Variants in NRXN3 observed in about 807,000 individuals in gnomAD.
The protein encoded by NRXN3 is neurexin III.
A neutral mutation model predicts 137.6 loss-of-function variants in NRXN3; 32 were observed. The observed-to-expected ratio is 0.23, with a 90% CI of 0.18 to 0.31. NRXN3 has a LOEUF of 0.31. Among genes scored for constraint, NRXN3 ranks in the 10% least tolerant of loss-of-function variants. NRXN3 has a pLI of 1.00. For missense variants in NRXN3, 1,574 were observed against 2,062.5 expected (o/e 0.76, Z 4.59); for synonymous variants, 798 against 784.5 (o/e 1.02, Z -0.29).
At chr14:78,609,979 C>T (rs938065715) in intron 4 of NRXN3, among the ~76,000 whole-genome samples, 2 of 151,106 alleles carry the variant, frequency 1.3e-5, no homozygotes, top group Non-Finnish European at 2.9e-5. Context: ...CTGTCTTTAC[C>T]TTCTACTATG....
At chr14:79,853,627 C>T (rs555493836) in intron 20 of NRXN3, 1 of 1,349,768 alleles carries the variant, frequency 7.4e-7, no homozygotes, top group South Asian at 1.1e-5. Flanking sequence ...TCATCTTCAT[C>T]TCCTGTGTAG....
intron 15 of NRXN3, among the ~76,000 whole-genome samples, chr14:79,264,750 A>G (rs907626698): frequency 6.6e-6 from 1 of 152,172 alleles, no homozygotes; most frequent in African/African-American, 2.4e-5. Flanking sequence ...CCAAACTGAT[A>G]AACACATTGC....
intron 8 of NRXN3, among the ~76,000 whole-genome samples, chr14:78,743,727 A>G (rs2098593630): frequency 6.6e-6 from 1 of 152,228 alleles, no homozygotes; most frequent in Non-Finnish European, 1.5e-5. Context: ...AAAAGCAAGA[A>G]CGAGGTTGTA....
At chr14:78,798,603 C>T (rs1342197017) in intron 8 of NRXN3, among the ~76,000 whole-genome samples, 1 of 152,212 alleles carries the variant, frequency 6.6e-6, no homozygotes, top group Non-Finnish European at 1.5e-5. Flanking sequence ...TAGGCAGTGC[C>T]CCAGTGGGGA....
chr14:79,002,048 C>T (rs2099542435), intron 15 of NRXN3, among the ~76,000 whole-genome samples: 1 of 152,126 alleles, frequency 6.6e-6, no homozygotes, highest in Non-Finnish European at 1.5e-5. Flanking sequence ...AATCAACTTT[C>T]CTACTTTGTG....
At chr14:78,282,226 A>G (rs2074506920) in intron 3 of NRXN3, 3 of 461,926 alleles carry the variant, frequency 6.5e-6, no homozygotes, top group Non-Finnish European at 1.3e-5. Context: ...AGAGGTGGGC[A>G]TCTCTGCCCT....
intron 1 of NRXN3, among the ~76,000 whole-genome samples, chr14:78,193,027 G>A (rs561300219): frequency 7.2e-5 from 11 of 152,236 alleles, no homozygotes; most frequent in Admixed American, 2.6e-4. Context: ...ACCCCAGAAG[G>A]CAAAGAGGTC....
intron 15 of NRXN3, among the ~76,000 whole-genome samples, chr14:79,460,424 G>A (rs191227104): frequency 2.1e-3 from 323 of 152,224 alleles, no homozygotes; most frequent in Non-Finnish European, 3.7e-3. Context: ...TGAATGGGTA[G>A]AATGTTATTT....
At chr14:78,917,385 T>C (rs35199347) in intron 10 of NRXN3, among the ~76,000 whole-genome samples, 31,950 of 152,066 alleles carry the variant, frequency 0.21, 3,532 homozygotes, top group East Asian at 0.39. Context: ...GGTGATTAAC[T>C]GATCTGTGCA....
chr14:79,502,784 G>T (rs1205917179), intron 16 of NRXN3, among the ~76,000 whole-genome samples: 2 of 151,792 alleles, frequency 1.3e-5, no homozygotes, highest in Non-Finnish European at 2.9e-5. Context: ...GACCTTTTCT[G>T]CACACTGCTA....
chr14:79,649,195 G>A (rs968946658), intron 16 of NRXN3, among the ~76,000 whole-genome samples: 3 of 152,028 alleles, frequency 2.0e-5, no homozygotes, highest in Non-Finnish European at 2.9e-5. Flanking sequence ...TCACCAGTTA[G>A]CAACAGTAAG....
chr14:78,477,529 A>C (rs748693396), intron 4 of NRXN3, among the ~76,000 whole-genome samples: 1 of 152,218 alleles, frequency 6.6e-6, no homozygotes, highest in Non-Finnish European at 1.5e-5. Flanking sequence ...GACTTCTCAA[A>C]ATACAATATT....
At chr14:79,218,843 G>A (rs2068997930) in intron 15 of NRXN3, among the ~76,000 whole-genome samples, 1 of 152,094 alleles carries the variant, frequency 6.6e-6, no homozygotes. Flanking sequence ...GAGGAGTTGG[G>A]ATTTATTATA....
chr14:78,858,112 C>T (rs573101434), intron 10 of NRXN3, among the ~76,000 whole-genome samples: 1 of 152,252 alleles, frequency 6.6e-6, no homozygotes, highest in South Asian at 2.1e-4. Flanking sequence ...AGAGAGTTTA[C>T]ACCATGTGTT....
intron 5 of NRXN3, chr14:78,649,421 T>C (rs1198505930): frequency 3.7e-6 from 1 of 270,254 alleles, no homozygotes; most frequent in Non-Finnish European, 6.9e-6. Flanking sequence ...TCTTTTAAGA[T>C]TTTGTTACAT....
In NRXN3 at chr14:79,284,588, C is replaced by G. The variant is rs147002249; in HGVS notation, c.3263-182633C>G. 3.8e-3 allele frequency among the ~76,000 whole-genome samples: 579 copies of G among 151,778 alleles called. 4 individuals are homozygous for G. The highest frequency in any genetic ancestry group is 0.013 in the African/African-American group (528 of 41,380). ...AGCTCAGTTTTAAAAGGGAACACAC[C>G]ACGCTATATTTGCAGGAAGAACTCT... On this transcript the variant is annotated intron_variant, in intron 15 of 20. Transcript: ENST00000335750.
intron 2 of NRXN3, among the ~76,000 whole-genome samples, chr14:78,275,116 C>T (rs77105380): frequency 0.073 from 11,162 of 152,266 alleles, 533 homozygotes; most frequent in Middle Eastern, 0.13. Context: ...AATACTACTT[C>T]CTCAGAAAGA....
rs75237272 is a variant in NRXN3 at position 78,909,002 on chromosome 14, C to T, written c.2276-48240C>T. On this transcript the variant is annotated intron_variant, in intron 10 of 20. Transcript: ENST00000335750. ...ATTGAAAAGCCTAGGTTATTAACAG[C>T]GGAAACAGTAGCTAACACCACAGAC... Among the ~76,000 whole-genome samples the T allele has an allele frequency of 4.9e-3, 740 of 152,168 alleles. 33 individuals are homozygous for T. In the East Asian group the frequency reaches 0.1, roughly 21 times the overall value.
intron 15 of NRXN3, among the ~76,000 whole-genome samples, chr14:78,993,114 C>T (rs1451769563): frequency 1.3e-5 from 2 of 152,132 alleles, no homozygotes; most frequent in East Asian, 1.9e-4. Flanking sequence ...GAGTGTAAAG[C>T]GTCTTTTTCA....
Sources: allele counts gnomAD v4.1 joint callset (sites outside exome capture counted in the v4.1 genomes callset), GRCh38; gene constraint gnomAD v4.1.1; transcripts MANE v1.5; gene names NCBI Gene and HGNC (gene_info 2026-07-23, HGNC 2026-07-21).